The following EHD4 variants were observed in gnomAD, a reference collection of about 807,000 sequenced individuals.
The protein encoded by EHD4 is EH domain containing 4.
Under a neutral mutation model 51.0 loss-of-function variants are expected in EHD4, and 37 were observed. The observed-to-expected ratio is 0.73, with a 90% CI of 0.56 to 0.95. EHD4 has a LOEUF of 0.95. EHD4 is among the 40% of genes least tolerant of loss of function. The pLI is 0.00. For synonymous variants in EHD4, 297 were observed against 317.3 expected, an observed-to-expected ratio of 0.94 and a Z score of 0.68; for missense variants, 632 against 733.1, an observed-to-expected ratio of 0.86 and a Z score of 1.59.
chr15:41,925,238 G>T (rs568860217), intron 3 of EHD4, among the ~76,000 whole-genome samples: 1 of 152,256 alleles, frequency 6.6e-6, no homozygotes, highest in East Asian at 1.9e-4. Context: ...TCATCAAGGG[G>T]CTACATACCT....
In EHD4 at chr15:41,932,964, CT is replaced by C. The variant is rs542069180; in HGVS notation, c.511+10102del. Among the ~76,000 whole-genome samples, 318 of 152,358 alleles carry C rather than the reference CT, an allele frequency of 2.1e-3. 2 individuals carry two copies. The highest frequency in any genetic ancestry group is 7.2e-3 in the African/African-American group (300 of 41,574). On this transcript the variant is annotated intron_variant, in intron 3 of 5. Transcript: ENST00000220325. ...TCTATAAAATGAATCATGACCGCCC[CT>C]ATCACCAGTTATTAATCATGATCCA...
chr15:41,953,772 G>A lies in EHD4; in HGVS notation c.405C>T (p.Phe135=), dbSNP rs566379150. 6.2e-7 allele frequency: 1 copy of A among 1,606,146 alleles called. No individual in the cohort carries two copies. Among genetic ancestry groups the A allele is most frequent in the Admixed American group, 1.7e-5 (1 of 57,224 alleles). Residue 135 remains phenylalanine (F), a synonymous_variant, in exon 2 of 6, where the codon TTC becomes TTT. Coordinates refer to ENST00000220325, the MANE Select transcript of EHD4 (RefSeq NM_139265.4). ...FRKLSRFGNA[F]LNRFMCSQLP... ...AGCTTGCTGGTCCTTACCGATTCAG[G>A]AAAGCGTTTCCAAAGCGACTGAGCT...
intron 3 of EHD4, among the ~76,000 whole-genome samples, chr15:41,920,218 T>G (rs374573474): frequency 6.6e-6 from 1 of 152,258 alleles, no homozygotes; most frequent in East Asian, 1.9e-4. Context: ...ATATTGTGAA[T>G]ATTTTTTTAA....
Position 41,900,614 on chromosome 15 carries a change from C to G in EHD4, c.*31G>C, listed in dbSNP as rs1295008398. 2 of 1,536,564 alleles carry G rather than the reference C, an allele frequency of 1.3e-6. No individual in the cohort carries two copies. Among genetic ancestry groups the G allele is most frequent in the Admixed American group, 3.7e-5 (2 of 54,644 alleles). On this transcript the variant is annotated 3_prime_UTR_variant, in exon 6 of 6. Transcript: ENST00000220325. This position sits in a 1 kb window ranked among gnomAD's most constrained non-coding sequence, Gnocchi z 4.8. ...GGAGCAGGCCTGAGGCCCAGGTCCCCCAGTTCCCACCCCGTTCTGCAGCCC... is the reference window on the plus strand; with the variant it reads ...GGAGCAGGCCTGAGGCCCAGGTCCCGCAGTTCCCACCCCGTTCTGCAGCCC...
At chr15:41,923,065 G>A (rs1471585738) in intron 3 of EHD4, among the ~76,000 whole-genome samples, 1 of 152,178 alleles carries the variant, frequency 6.6e-6, no homozygotes, top group Non-Finnish European at 1.5e-5. Flanking sequence ...CATTTTAAGT[G>A]TACTGCACAG....
chr15:41,922,991 C>T (rs978410139), intron 3 of EHD4, among the ~76,000 whole-genome samples: 2 of 152,160 alleles, frequency 1.3e-5, no homozygotes, highest in Non-Finnish European at 2.9e-5. Context: ...ATGATCAAAG[C>T]TGGGAGAGGT....
chr15:41,944,432 C>A (rs1197119038), intron 2 of EHD4, among the ~76,000 whole-genome samples: 5 of 152,162 alleles, frequency 3.3e-5, no homozygotes, highest in African/African-American at 7.2e-5. Flanking sequence ...AAGCTCAATT[C>A]TTCCGTACGA....
intron 2 of EHD4, among the ~76,000 whole-genome samples, chr15:41,949,870 A>G (rs2067841556): frequency 6.6e-6 from 1 of 152,156 alleles, no homozygotes; most frequent in South Asian, 2.1e-4. Context: ...TCAGACCCCA[A>G]TGCCTGGCAC....
At chr15:41,942,576 C>T (rs548323570) in intron 3 of EHD4, 1 of 158,584 alleles carries the variant, frequency 6.3e-6, no homozygotes, top group African/African-American at 2.4e-5. Context: ...AAGCACAGGC[C>T]TAGAAGCAGC....
At position 41,901,096 on chromosome 15, in the gene EHD4, T is replaced by C. The variant is rs1335625999; in HGVS notation, c.1175A>G (p.Lys392Arg). The C allele has an allele frequency of 6.2e-7, 1 of 1,611,588 alleles. No individual in the cohort carries two copies. The highest frequency in any genetic ancestry group is 1.7e-5 in the Admixed American group (1 of 59,546). Residue 392 changes from lysine to arginine, a missense_variant, in exon 6 of 6, where the codon AAG becomes AGG. Physicochemically the swap from Lys to Arg is conservative, Grantham distance 26. Transcript: ENST00000220325. The part of the protein sequence containing the change: ...IEAVDNMLSN[K>R]ISPLMNLISQ... The stretch of plus-strand genomic sequence containing the variant: ...GATGAGGTTCATGAGGGGCGAGATC[T>C]TGTTGCTCAGCATGTTGTCCACTGC...
rs759627626 is a variant in EHD4, at chr15:41,909,740, G to T, written c.1048C>A (p.Gln350Lys). The T allele has an allele frequency of 5.0e-6, 8 of 1,614,136 alleles. No individual in the cohort carries two copies. The South Asian group carries it at 8.8e-5, about 18-fold the overall frequency. ...EIYIQLQREYQISAGDFPEVK... is the reference protein window; with the variant it reads ...EIYIQLQREYKISAGDFPEVK... The stretch of plus-strand genomic sequence containing the variant: ...TCAGGGAAGTCCCCTGCAGAAATCT[G>T]GTATTCTCGCTGTAGCTGAATGTAG... Residue 350 changes from glutamine (Q) to lysine (K), a missense_variant, in exon 5 of 6, where the codon CAG becomes AAG. By Grantham distance (53) the Gln-to-Lys change is moderately conservative. Coordinates refer to ENST00000220325, the MANE Select transcript of EHD4 (RefSeq NM_139265.4).
intron 3 of EHD4, among the ~76,000 whole-genome samples, chr15:41,922,493 C>G (rs2067633027): frequency 6.6e-6 from 1 of 152,226 alleles, no homozygotes; most frequent in Non-Finnish European, 1.5e-5. Flanking sequence ...CGAAAGAAAC[C>G]TGCCACCCAA....
intron 4 of EHD4, among the ~76,000 whole-genome samples, chr15:41,916,953 T>C (rs1595532825): frequency 6.6e-6 from 1 of 152,302 alleles, no homozygotes; most frequent in East Asian, 1.9e-4. Flanking sequence ...GGGTTTTCAT[T>C]ATTCACAGTG....
chr15:41,960,004 C>G (rs1429305356), intron 1 of EHD4, among the ~76,000 whole-genome samples: 1 of 151,390 alleles, frequency 6.6e-6, no homozygotes, highest in Non-Finnish European at 1.5e-5. Context: ...TTAATCTATC[C>G]TTGTGTTTCA....
At chr15:41,956,827 C>G (rs1303789003) in intron 1 of EHD4, among the ~76,000 whole-genome samples, 1 of 152,122 alleles carries the variant, frequency 6.6e-6, no homozygotes, top group Non-Finnish European at 1.5e-5. Flanking sequence ...GATACTTTCA[C>G]AGATAATACA....
rs528097609 is a variant in EHD4 at position 41,958,801 on chromosome 15, T to A, written c.237-4861A>T. On this transcript the variant is annotated intron_variant, in intron 1 of 5. Coordinates refer to ENST00000220325, the MANE Select transcript of EHD4 (RefSeq NM_139265.4). The stretch of plus-strand genomic sequence containing the variant: ...TCTTTACATGAATAGTCTCATTTCA[T>A]CCTAACTACCTTATGGGCAGGTACT... Among the ~76,000 whole-genome samples, 64 of 152,298 alleles carry A rather than the reference T, an allele frequency of 4.2e-4. 2 individuals carry two copies. In the South Asian group the frequency reaches 0.013, roughly 32 times the overall value.
intron 3 of EHD4, chr15:41,942,806 A>G: frequency 4.8e-6 from 1 of 208,596 alleles, no homozygotes; most frequent in Non-Finnish European, 8.6e-6. Flanking sequence ...TCACACCTCG[A>G]TACCTCCCAT....
chr15:41,919,740 C>T, intron 3 of EHD4, 118 bp from the exon 4 acceptor site: 2 of 1,022,520 alleles, frequency 2.0e-6, no homozygotes, highest in Non-Finnish European at 2.6e-6. Flanking sequence ...TGTCTCCAAC[C>T]TGGAGGCAGT....
chr15:41,948,816 C>T (rs561374524), intron 2 of EHD4, among the ~76,000 whole-genome samples: 140 of 149,400 alleles, frequency 9.4e-4, no homozygotes, highest in Non-Finnish European at 1.5e-3. Context: ...ACTGCTTGGG[C>T]CCAGGAGTTC....
Sources: allele counts gnomAD v4.1 joint callset (sites outside exome capture counted in the v4.1 genomes callset), GRCh38; gene constraint gnomAD v4.1.1; non-coding constraint Gnocchi (gnomAD v3.1); transcripts MANE v1.5; gene names NCBI Gene and HGNC (gene_info 2026-07-23, HGNC 2026-07-21).